The following SENP6 variants were observed in gnomAD, a reference collection of about 807,000 sequenced individuals.
SENP6 encodes the protein sentrin-specific protease 6.
SENP6 carries 41 observed loss-of-function variants against 134.5 expected under a neutral mutation model. The observed-to-expected ratio is 0.30, with a 90% CI of 0.24 to 0.40. SENP6 has a LOEUF of 0.40. Among genes scored for constraint, SENP6 ranks in the 10% least tolerant of loss-of-function variants. SENP6 has a pLI of 1.00. For synonymous variants in SENP6, 395 were observed against 429.8 expected, an observed-to-expected ratio of 0.92 and a Z score of 1.00; for missense variants, 1,248 against 1,312.5, an observed-to-expected ratio of 0.95 and a Z score of 0.76.
intron 17 of SENP6, 58 bp from the exon 18 acceptor site, chr6:75,697,367 A>G (rs898742162): frequency 3.1e-5 from 38 of 1,214,464 alleles, no homozygotes; most frequent in South Asian, 2.0e-4. Context: ...AAATCACTAC[A>G]TATAAGCTGG....
At chr6:75,641,329 G>A (rs1770011385) in intron 6 of SENP6, among the ~76,000 whole-genome samples, 1 of 152,134 alleles carries the variant, frequency 6.6e-6, no homozygotes, top group African/African-American at 2.4e-5. Context: ...TAGTAAAATT[G>A]CTTTCAGTTA....
At position 75,666,196 on chromosome 6, in the gene SENP6, C is replaced by T. The variant is rs35867662; in HGVS notation, c.995-516C>T. Among the ~76,000 whole-genome samples the T allele has an allele frequency of 8.0e-3, 779 of 97,666 alleles. 3 individuals are homozygous for T. Among genetic ancestry groups the T allele is most frequent in the Non-Finnish European group, 0.015 (572 of 36,922 alleles). 64.1% of individuals were successfully genotyped at this position (97,666 alleles called of 152,430 possible). A position where few individuals can be genotyped will look rare whatever the true frequency, so the allele number is the denominator to read the frequency against. ...AAACGTATATATGATATATATAAAA[C>T]GTATATATGATATATATAAGTATGA... On this transcript the variant is annotated intron_variant, in intron 9 of 23. Transcript: ENST00000447266.
intron 1 of SENP6, among the ~76,000 whole-genome samples, chr6:75,614,184 C>T (rs899241091): frequency 2.0e-5 from 3 of 150,736 alleles, no homozygotes; most frequent in Non-Finnish European, 4.4e-5. Flanking sequence ...GTCAATTTGT[C>T]TTGTTGTTGG....
chr6:75,638,586 G>A (rs1255593641), intron 5 of SENP6, among the ~76,000 whole-genome samples: 62 of 29,414 alleles, frequency 2.1e-3, no homozygotes, highest in South Asian at 0.019. Context: ...GTGTGTGTGT[G>A]TGTGTATATA....
At chr6:75,611,467 T>C (rs1767443575) in intron 1 of SENP6, 1 of 152,258 alleles carries the variant, frequency 6.6e-6, no homozygotes, top group Admixed American at 6.5e-5. Context: ...ATTTAAGCTT[T>C]TAATGAAACT....
At position 75,602,455 on chromosome 6, in the gene SENP6, C is replaced by G. The variant is rs1292586004; in HGVS notation, c.-70C>G. 6.5e-7 allele frequency: 1 copy of G among 1,530,862 alleles called. No homozygotes were observed. The highest frequency in any genetic ancestry group is 8.8e-7 in the Non-Finnish European group (1 of 1,131,294). The allele number at this position is 1,530,862 out of a possible 1,614,324, so 94.8% of individuals were successfully genotyped here. On this transcript the variant is annotated 5_prime_UTR_variant, in exon 1 of 24. Transcript: ENST00000447266. ...GGCGTCTACCCTCCTCCGGCGCGGC[C>G]CCTCATCCCGGCGAGCACGGCGGCG...
In SENP6 at chr6:75,659,000, A is replaced by G. The variant is rs868540511; in HGVS notation, c.551-262A>G. ...AAAAAAAAAAAAAAAAAAAAAAAAAAGGGGAATTGTGAGTATGTGAGTGGT... is the reference window on the plus strand; with the variant it reads ...AAAAAAAAAAAAAAAAAAAAAAAAAGGGGGAATTGTGAGTATGTGAGTGGT... On this transcript the variant is annotated intron_variant, in intron 7 of 23. Transcript: ENST00000447266. Among the ~76,000 whole-genome samples, 136 of 118,716 alleles carry G rather than the reference A, an allele frequency of 1.1e-3. 1 individual carries two copies. The highest frequency in any genetic ancestry group is 3.5e-3 in the African/African-American group (107 of 30,876). 77.9% of individuals were successfully genotyped at this position (118,716 alleles called of 152,430 possible). A position where few individuals can be genotyped will look rare whatever the true frequency, so the allele number is the denominator to read the frequency against.
chr6:75,658,015 T>C (rs1343760648), intron 7 of SENP6, among the ~76,000 whole-genome samples: 2 of 152,124 alleles, frequency 1.3e-5, no homozygotes, highest in Non-Finnish European at 2.9e-5. Context: ...CTAGATCACT[T>C]TTTCAGTAGT....
chr6:75,654,388 TTTGA>T (rs1771155070), intron 7 of SENP6, among the ~76,000 whole-genome samples: 1 of 152,192 alleles, frequency 6.6e-6, no homozygotes, highest in South Asian at 2.1e-4. Flanking sequence ...AAATAATGTA[TTTGA>T]TTGGAGAATG....
At chr6:75,620,183 G>A (rs1263812925) in intron 1 of SENP6, among the ~76,000 whole-genome samples, 3 of 151,870 alleles carry the variant, frequency 2.0e-5, no homozygotes, top group Non-Finnish European at 2.9e-5. Context: ...GGTTAGTGAT[G>A]CTGAGCATCT....
intron 10 of SENP6, among the ~76,000 whole-genome samples, chr6:75,668,302 T>C (rs1274594663): frequency 2.6e-5 from 4 of 152,092 alleles, no homozygotes; most frequent in African/African-American, 9.7e-5. Context: ...AAAAGATGAA[T>C]ATATTTGATT....
chr6:75,619,327 A>G (rs1332678479), intron 1 of SENP6, among the ~76,000 whole-genome samples: 2 of 152,028 alleles, frequency 1.3e-5, no homozygotes, highest in African/African-American at 2.4e-5. Context: ...GAATCATACA[A>G]TATTTGTCCT....
chr6:75,619,236 C>T (rs1017455143), intron 1 of SENP6, among the ~76,000 whole-genome samples: 24 of 152,142 alleles, frequency 1.6e-4, no homozygotes, highest in African/African-American at 4.6e-4. Context: ...CTCCATTTCT[C>T]TACTTCCTTT....
chr6:75,612,591 A>G (rs1767537732), intron 1 of SENP6, among the ~76,000 whole-genome samples: 1 of 152,098 alleles, frequency 6.6e-6, no homozygotes, highest in African/African-American at 2.4e-5. Context: ...TAGCCACCCA[A>G]AACGCTAGGA....
chr6:75,695,758 GT>G, intron 16 of SENP6, 45 bp from the exon 17 acceptor site: 2 of 1,450,426 alleles, frequency 1.4e-6, no homozygotes, highest in Non-Finnish European at 1.9e-6. Flanking sequence ...AATAAATAAA[GT>G]GAACTGTTAC....
At chr6:75,667,324 AAG>A (rs1256329825) in intron 10 of SENP6, among the ~76,000 whole-genome samples, 7 of 152,182 alleles carry the variant, frequency 4.6e-5, no homozygotes, top group African/African-American at 1.2e-4. Flanking sequence ...CACATGGAAA[AAG>A]GTAATATGAA....
rs1476634370 is a variant in SENP6 at position 75,702,256 on chromosome 6, C to T, written c.2289-389C>T. Among the ~76,000 whole-genome samples, 17 of 145,772 alleles carry T rather than the reference C, an allele frequency of 1.2e-4. No homozygotes were observed. The East Asian group carries it at 3.4e-3, about 29-fold the overall frequency. On this transcript the variant is annotated intron_variant, in intron 18 of 23. Transcript: ENST00000447266. ...TTTGAGATGGAGTCTTGCTTTGTCA[C>T]CCCCAAGCTGGAATGCTGTGGCACA... is the stretch of plus-strand genomic sequence containing the variant.
intron 1 of SENP6, among the ~76,000 whole-genome samples, chr6:75,604,532 T>G (rs1408118945): frequency 1.3e-5 from 2 of 151,112 alleles, no homozygotes; most frequent in Non-Finnish European, 2.9e-5. Context: ...CTGCGGAGGC[T>G]GAGGCAGGAG....
intron 2 of SENP6, among the ~76,000 whole-genome samples, chr6:75,623,208 T>C (rs1768407577): frequency 6.6e-6 from 1 of 152,234 alleles, no homozygotes. Flanking sequence ...ACTGTAGTTA[T>C]ACATTTTTTA....
Sources: gnomAD v4.1 joint callset for allele counts (sites outside exome capture counted in the v4.1 genomes callset) on GRCh38, gnomAD v4.1.1 for gene constraint, MANE v1.5 for transcripts, NCBI Gene and HGNC (gene_info 2026-07-23, HGNC 2026-07-21) for gene names.